Variants in AGBL1 observed in about 807,000 individuals in gnomAD.
The protein encoded by AGBL1 is AGBL carboxypeptidase 1, also known as cytosolic carboxypeptidase 4.
Under a neutral mutation model 118.9 loss-of-function variants are expected in AGBL1, and 130 were observed. That is an observed-to-expected ratio of 1.09 (90% CI 0.95 to 1.26). The LOEUF (loss-of-function observed/expected upper bound fraction) is 1.26. Among genes scored for constraint, AGBL1 ranks in the 50% most tolerant of loss-of-function variants. The pLI, the probability that AGBL1 is intolerant of heterozygous loss-of-function variation, is 0.00. For missense variants in AGBL1, 1,584 were observed against 1,298.1 expected (o/e 1.22, Z -3.38); for synonymous variants, 555 against 478.9 (o/e 1.16, Z -2.08).
chr15:86,213,609 T>G (rs1303521118), intron 5 of AGBL1, among the ~76,000 whole-genome samples: 1 of 152,148 alleles, frequency 6.6e-6, no homozygotes, highest in Non-Finnish European at 1.5e-5. Flanking sequence ...CTGTTGCTAT[T>G]CTATGTCCTG....
chr15:86,136,603 C>G (rs932193992), intron 1 of AGBL1, among the ~76,000 whole-genome samples: 5 of 152,162 alleles, frequency 3.3e-5, no homozygotes, highest in Non-Finnish European at 5.9e-5. Flanking sequence ...GATGCTTAAG[C>G]CTGCATCAGC....
intron 18 of AGBL1, among the ~76,000 whole-genome samples, chr15:86,463,029 G>A (rs1412578762): frequency 6.6e-6 from 1 of 152,178 alleles, no homozygotes; most frequent in Non-Finnish European, 1.5e-5. Context: ...CTTCCACAGT[G>A]GTTGAACTAA....
chr15:86,459,187 C>T (rs1460949187), intron 18 of AGBL1, among the ~76,000 whole-genome samples: 1 of 152,122 alleles, frequency 6.6e-6, no homozygotes, highest in Non-Finnish European at 1.5e-5. Flanking sequence ...TAGTGCCCAC[C>T]TCAAAGAGAA....
intron 17 of AGBL1, among the ~76,000 whole-genome samples, chr15:86,342,816 A>C (rs2141884930): frequency 6.6e-6 from 1 of 152,358 alleles, no homozygotes; most frequent in Admixed American, 6.5e-5. Context: ...TTATTAAGAA[A>C]ATATGTTTTT....
intron 22 of AGBL1, among the ~76,000 whole-genome samples, chr15:86,820,986 A>T (rs1330193929): frequency 6.6e-6 from 1 of 152,188 alleles, no homozygotes; most frequent in Non-Finnish European, 1.5e-5. Flanking sequence ...TACACCGTGG[A>T]ATACTACGGA....
chr15:86,101,131 A>G (rs1468503685), intron 1 of AGBL1, among the ~76,000 whole-genome samples: 1 of 152,120 alleles, frequency 6.6e-6, no homozygotes, highest in Non-Finnish European at 1.5e-5. Flanking sequence ...TTAATAGTCA[A>G]TCAGGATCAC....
At chr15:86,922,860 CA>C (rs2080494299) in intron 23 of AGBL1, among the ~76,000 whole-genome samples, 1 of 152,082 alleles carries the variant, frequency 6.6e-6, no homozygotes, top group South Asian at 2.1e-4. Context: ...AGTTCTGAAG[CA>C]ACGGTTTAGA....
intron 19 of AGBL1, among the ~76,000 whole-genome samples, chr15:86,526,506 G>A (rs2083263634): frequency 7.5e-6 from 1 of 134,106 alleles, no homozygotes; most frequent in African/African-American, 2.8e-5. Context: ...AGAAAATGTG[G>A]CATATATAAA....
rs2081385781 is a variant in AGBL1 at position 86,397,498 on chromosome 15, T to A, written c.2507T>A (p.Ile836Asn). ...GCTAGGCTCTTGAGGGAAAACTTCA[T>A]CTTCAAGATCATACCCATGCTCAAC... is the stretch of plus-strand genomic sequence containing the variant. ...PVARLLRENF[I>N]FKIIPMLNPD... Residue 836 changes from isoleucine to asparagine, a missense_variant, in exon 18 of 23, where the codon ATC becomes AAC. Transcript: ENST00000614907. 6.2e-7 allele frequency: 1 copy of A among 1,612,830 alleles called. No homozygotes were observed. Among genetic ancestry groups the A allele is most frequent in the African/African-American group, 1.3e-5 (1 of 74,846 alleles).
chr15:86,399,888 A>C (rs2081419603), intron 18 of AGBL1, among the ~76,000 whole-genome samples: 1 of 152,162 alleles, frequency 6.6e-6, no homozygotes, highest in Admixed American at 6.6e-5. Flanking sequence ...AGCATCTTTC[A>C]TCATGGAGCT....
intron 5 of AGBL1, among the ~76,000 whole-genome samples, chr15:86,177,843 C>A (rs2077501794): frequency 1.3e-5 from 2 of 151,716 alleles, no homozygotes; most frequent in Non-Finnish European, 2.9e-5. Flanking sequence ...AAGATGGAAT[C>A]TCTAATCAAC....
chr15:86,665,348 G>C (rs1344813358), intron 21 of AGBL1, among the ~76,000 whole-genome samples: 1 of 32,174 alleles, frequency 3.1e-5, no homozygotes, highest in South Asian at 2.4e-3. Context: ...AATTTCCTTG[G>C]AAAGACTGCA....
intron 22 of AGBL1, among the ~76,000 whole-genome samples, chr15:86,723,295 C>T (rs1369174017): frequency 6.6e-6 from 1 of 152,164 alleles, no homozygotes; most frequent in Non-Finnish European, 1.5e-5. Context: ...GAAAATGTGG[C>T]ACATATACAC....
At chr15:86,271,203 A>G (rs2079156106) in intron 14 of AGBL1, among the ~76,000 whole-genome samples, 1 of 151,976 alleles carries the variant, frequency 6.6e-6, no homozygotes, top group South Asian at 2.1e-4. Flanking sequence ...GGCATGTGCC[A>G]CCATGCCCGG....
intron 17 of AGBL1, among the ~76,000 whole-genome samples, chr15:86,389,323 A>G (rs1244747998): frequency 6.6e-6 from 1 of 152,206 alleles, no homozygotes; most frequent in Admixed American, 6.5e-5. Flanking sequence ...AAAGACTGTT[A>G]AAAGCTGTCA....
At chr15:86,102,918 A>G (rs1397324794) in intron 1 of AGBL1, among the ~76,000 whole-genome samples, 3 of 152,038 alleles carry the variant, frequency 2.0e-5, no homozygotes. Flanking sequence ...TTGTCTTTCT[A>G]TTTTAATATT....
chr15:86,805,231 G>T (rs1055489955), intron 22 of AGBL1, among the ~76,000 whole-genome samples: 4 of 151,366 alleles, frequency 2.6e-5, no homozygotes, highest in African/African-American at 9.7e-5. Context: ...AATTTTGTCT[G>T]TAAGGAGCAT....
chr15:86,162,622 CT>C (rs2077283054), intron 5 of AGBL1, among the ~76,000 whole-genome samples: 1 of 152,172 alleles, frequency 6.6e-6, no homozygotes, highest in Non-Finnish European at 1.5e-5. Flanking sequence ...TGCCAACTTC[CT>C]TCCTTCGGCT....
chr15:86,901,566 C>T (rs2080212500), intron 22 of AGBL1, among the ~76,000 whole-genome samples: 1 of 152,032 alleles, frequency 6.6e-6, no homozygotes, highest in South Asian at 2.1e-4. Context: ...TATAAAGAGT[C>T]CTAAGACAAA....
Sources: gnomAD v4.1 joint callset for allele counts (sites outside exome capture counted in the v4.1 genomes callset) on GRCh38, gnomAD v4.1.1 for gene constraint, MANE v1.5 for transcripts, NCBI Gene and HGNC (gene_info 2026-07-23, HGNC 2026-07-21) for gene names.